The following DAAM1 variants were observed in gnomAD, a reference collection of about 807,000 sequenced individuals.
The protein encoded by DAAM1 is disheveled-associated activator of morphogenesis 1.
Under a neutral mutation model 130.0 loss-of-function variants are expected in DAAM1, and 52 were observed. That is an observed-to-expected ratio of 0.40 (90% confidence interval 0.32 to 0.50). The LOEUF is 0.50. Among genes scored for constraint, DAAM1 ranks in the 20% least tolerant of loss-of-function variants. DAAM1 has a pLI of 0.61. For synonymous variants in DAAM1, 452 were observed against 444.5 expected (o/e 1.02, Z -0.21); for missense variants, 1,134 against 1,303.8 (o/e 0.87, Z 2.01).
At chr14:59,195,625 T>C (rs1306785654) in intron 1 of DAAM1, among the ~76,000 whole-genome samples, 1 of 152,212 alleles carries the variant, frequency 6.6e-6, no homozygotes, top group Non-Finnish European at 1.5e-5. Flanking sequence ...ACCTGCAGTG[T>C]GATTGGAAAA....
Position 59,347,714 on chromosome 14 carries a change from TC to T in DAAM1, c.2160+92del, listed in dbSNP as rs1886137431. 3 of 1,224,836 alleles carry T rather than the reference TC, an allele frequency of 2.4e-6. No individual in the cohort carries two copies. The African/African-American group carries it at 4.5e-5, about 18-fold the overall frequency. 75.9% of individuals were successfully genotyped at this position (1,224,836 alleles called of 1,614,324 possible). A position where few individuals can be genotyped will look rare whatever the true frequency, so the allele number is the denominator to read the frequency against. On this transcript the variant is annotated intron_variant, in intron 17 of 24. Coordinates refer to ENST00000360909, the MANE Select transcript of DAAM1 (RefSeq NM_001270520.2). ...AGAACATCCGGTTGTTGCTAGTGGA[TC>T]ATTTCCTCATCTATGAATTGAGGAG...
chr14:59,304,537 G>A (rs984291769), intron 3 of DAAM1, among the ~76,000 whole-genome samples: 26 of 152,178 alleles, frequency 1.7e-4, no homozygotes, highest in African/African-American at 5.1e-4. Flanking sequence ...ATTCTTCAGC[G>A]TGGTACAGAG....
chr14:59,191,129 G>A (rs756065218), intron 1 of DAAM1, among the ~76,000 whole-genome samples: 1 of 152,290 alleles, frequency 6.6e-6, no homozygotes, highest in Non-Finnish European at 1.5e-5. Flanking sequence ...AATTATGGGG[G>A]AAAGTGTGTA....
intron 20 of DAAM1, among the ~76,000 whole-genome samples, chr14:59,357,727 C>A (rs10138805): frequency 0.64 from 97,215 of 151,870 alleles, 31,571 homozygotes; most frequent in East Asian, 0.85. Context: ...GCAGTGAGCC[C>A]AGATCGCACC....
At chr14:59,331,076 CCG>C in intron 13 of DAAM1, 131 bp from the exon 14 acceptor site, 3 of 1,441,882 alleles carry the variant, frequency 2.1e-6, no homozygotes, top group Non-Finnish European at 2.8e-6. Context: ...TTCGACTTTA[CCG>C]ATCCTTTAAA....
chr14:59,301,099 A>AT (rs5809026), intron 3 of DAAM1, among the ~76,000 whole-genome samples: 47,761 of 151,996 alleles, frequency 0.31, 8,892 homozygotes, highest in East Asian at 0.56. Context: ...AAGGAAACTA[A>AT]TATCTCATTG....
chr14:59,304,060 C>G (rs1021273379), intron 3 of DAAM1, among the ~76,000 whole-genome samples: 4 of 152,204 alleles, frequency 2.6e-5, no homozygotes, highest in Non-Finnish European at 5.9e-5. Context: ...TCCATGCTGT[C>G]TTTCCTTTGA....
intron 20 of DAAM1, among the ~76,000 whole-genome samples, chr14:59,356,528 A>G (rs912392579): frequency 6.6e-6 from 1 of 152,224 alleles, no homozygotes; most frequent in African/African-American, 2.4e-5. Flanking sequence ...TGGCTCATTC[A>G]GCTTGCCTAT....
intron 20 of DAAM1, among the ~76,000 whole-genome samples, chr14:59,358,458 C>T (rs1237862063): frequency 6.6e-6 from 1 of 152,204 alleles, no homozygotes; most frequent in African/African-American, 2.4e-5. Context: ...TAGGATATCA[C>T]ATGGTGGCAG....
chr14:59,335,142 C>G (rs546279268), intron 15 of DAAM1, among the ~76,000 whole-genome samples: 1 of 152,244 alleles, frequency 6.6e-6, no homozygotes, highest in Non-Finnish European at 1.5e-5. Flanking sequence ...TTTGCTCTTC[C>G]CCATGGTTTT....
intron 3 of DAAM1, among the ~76,000 whole-genome samples, chr14:59,313,721 C>T (rs1304611400): frequency 6.6e-6 from 1 of 152,202 alleles, no homozygotes; most frequent in Non-Finnish European, 1.5e-5. Context: ...TTTGCTAATA[C>T]TCCCTTTTAA....
At chr14:59,233,713 G>T (rs1372768555) in intron 1 of DAAM1, among the ~76,000 whole-genome samples, 3 of 152,250 alleles carry the variant, frequency 2.0e-5, no homozygotes, top group East Asian at 3.9e-4. Flanking sequence ...CTTTGCTCAT[G>T]TCCATGTCCT....
intron 3 of DAAM1, 146 bp from the exon 4 acceptor site, chr14:59,315,134 C>T: frequency 1.3e-6 from 1 of 771,200 alleles, no homozygotes; most frequent in Non-Finnish European, 2.3e-6. Context: ...CATTTATAGC[C>T]AACATTTAAA....
At chr14:59,201,224 G>A (rs1888095283) in intron 1 of DAAM1, among the ~76,000 whole-genome samples, 1 of 151,530 alleles carries the variant, frequency 6.6e-6, no homozygotes, top group South Asian at 2.1e-4. Context: ...GGGGAAAATA[G>A]GTGAGAAGAG....
At chr14:59,271,401 G>T (rs1229731234) in intron 2 of DAAM1, among the ~76,000 whole-genome samples, 3 of 152,010 alleles carry the variant, frequency 2.0e-5, no homozygotes, top group African/African-American at 7.3e-5. Flanking sequence ...ATTACTATAG[G>T]CCTATATCAT....
chr14:59,225,034 T>G (rs965192227), intron 1 of DAAM1, among the ~76,000 whole-genome samples: 1 of 142,172 alleles, frequency 7.0e-6, no homozygotes, highest in African/African-American at 2.7e-5. Flanking sequence ...TTTTTTTTTT[T>G]TTTTTTTTTT....
At chr14:59,326,484 T>TTTTTCACTA (rs772796087) in intron 10 of DAAM1, 26 bp from the exon 11 acceptor site, 81 of 1,559,238 alleles carry the variant, frequency 5.2e-5, no homozygotes, top group Non-Finnish European at 5.5e-5. Flanking sequence ...TTGAAGATTT[T>TTTTTCACTA]TTTTCACTAT....
Position 59,359,453 on chromosome 14 carries a change from T to C in DAAM1, c.2582T>C (p.Val861Ala), listed in dbSNP as rs765876544. 6.2e-7 allele frequency: 1 copy of C among 1,613,962 alleles called. No individual in the cohort carries two copies. Among genetic ancestry groups the C allele is most frequent in the South Asian group, 1.1e-5 (1 of 91,078 alleles). The change falls in exon 21 of 25, where the codon GTT becomes GCT. Residue 861 changes from valine to alanine, a missense_variant. Around this residue, in one of 3 missense-constraint regions of DAAM1, gnomAD observed 644 missense variants for 695.9 expected, o/e 0.93. Coordinates refer to ENST00000360909, the MANE Select transcript of DAAM1 (RefSeq NM_001270520.2). ...ATTGTGGAAAATAAGTACCCCAGTG[T>C]TCTCAATCTAAATGAAGAATTGCGA... ...ITIVENKYPS[V>A]LNLNEELRDI...
chr14:59,354,165 A>G (rs1021311362), intron 19 of DAAM1, among the ~76,000 whole-genome samples: 1 of 150,762 alleles, frequency 6.6e-6, no homozygotes, highest in Non-Finnish European at 1.5e-5. Flanking sequence ...GGTTCATGCC[A>G]TTCTCCTGCC....
Sources: allele counts gnomAD v4.1 joint callset (sites outside exome capture counted in the v4.1 genomes callset), GRCh38; gene constraint gnomAD v4.1.1; regional missense constraint gnomAD v4.1.1; transcripts MANE v1.5; gene names NCBI Gene and HGNC (gene_info 2026-07-23, HGNC 2026-07-21).